Variants in PHTF2 observed in about 807,000 individuals in gnomAD.
PHTF2 encodes putative homeodomain transcription factor 2.
In PHTF2, 60 loss-of-function variants were observed where a neutral mutation model predicts 101.2. That is an observed-to-expected ratio of 0.59 (90% CI 0.48 to 0.73). The LOEUF (loss-of-function observed/expected upper bound fraction) is 0.73, where lower values mean the gene tolerates loss of function less well. Among genes scored for constraint, PHTF2 ranks in the 30% least tolerant of loss-of-function variants. The probability of loss-of-function intolerance (pLI) is 0.00; values close to 1 mark genes in which losing one functional copy is unlikely to be tolerated. For synonymous variants in PHTF2, 311 were observed against 307.3 expected, an observed-to-expected ratio of 1.01 and a Z score of -0.13; for missense variants, 747 against 908.7, an observed-to-expected ratio of 0.82 and a Z score of 2.29.
rs549013908 is a variant in PHTF2 at position 77,944,985 on chromosome 7, G to A, written c.1959+2199G>A. On this transcript the variant is annotated intron_variant, in intron 16 of 19. Transcript: ENST00000416283. ...CTAAAATACAGGACAGAGATAAAGA[G>A]ACAGAAAATGCAAAATGGATATTTA... Among the ~76,000 whole-genome samples, 107 of 152,324 alleles carry A rather than the reference G, an allele frequency of 7.0e-4. 2 individuals are homozygous for A. In the South Asian group the frequency reaches 0.021, roughly 30 times the overall value.
At chr7:77,833,806 A>G (rs1795241215) in intron 1 of PHTF2, among the ~76,000 whole-genome samples, 1 of 152,188 alleles carries the variant, frequency 6.6e-6, no homozygotes, top group Non-Finnish European at 1.5e-5. Flanking sequence ...AGTCTGGGTG[A>G]CAGTGAGACC....
chr7:77,846,479 G>A (rs941469382), intron 2 of PHTF2, among the ~76,000 whole-genome samples: 1 of 152,004 alleles, frequency 6.6e-6, no homozygotes, highest in African/African-American at 2.4e-5. Flanking sequence ...TGAAATAGAG[G>A]GTTGCCTTCC....
intron 3 of PHTF2, 53 bp from the exon 3 acceptor site, chr7:77,893,555 C>T (rs1800625594): frequency 2.7e-6 from 2 of 731,796 alleles, no homozygotes; most frequent in East Asian, 5.3e-5. Context: ...AGAGTTATAC[C>T]TATTTGATGG....
At chr7:77,923,850 C>T (rs796580114) in intron 11 of PHTF2, 40 of 983,434 alleles carry the variant, frequency 4.1e-5, no homozygotes, top group African/African-American at 1.9e-4. Context: ...TGTTGGTTTG[C>T]AACTGTATTT....
intron 2 of PHTF2, among the ~76,000 whole-genome samples, chr7:77,850,763 C>T (rs992574390): frequency 6.6e-6 from 1 of 152,010 alleles, no homozygotes; most frequent in Non-Finnish European, 1.5e-5. Flanking sequence ...AGTCTTTCAG[C>T]TTTTCCCTAA....
chr7:77,806,193 G>T (rs944108438), intron 1 of PHTF2, among the ~76,000 whole-genome samples: 1 of 151,422 alleles, frequency 6.6e-6, no homozygotes, highest in Non-Finnish European at 1.5e-5. Context: ...AGTCAAGTTG[G>T]TTGATAGAAT....
rs146344121 is a variant in PHTF2 at position 77,944,606 on chromosome 7, C to T, written c.1959+1820C>T. 5.6e-4 allele frequency among the ~76,000 whole-genome samples: 85 copies of T among 152,224 alleles called. 1 individual carries two copies. The highest frequency in any genetic ancestry group is 3.2e-3 in the Admixed American group (49 of 15,286). On this transcript the variant is annotated intron_variant, in intron 16 of 19. Transcript: ENST00000416283. Reference sequence around the variant, plus strand: ...GCATGCGACTTCAGCCTAGACCTCACGGGAACCACAGATAAAGCTCCTTCC... The same window carrying T: ...GCATGCGACTTCAGCCTAGACCTCATGGGAACCACAGATAAAGCTCCTTCC...
At position 77,919,116 on chromosome 7, in the gene PHTF2, G is replaced by A. The variant is rs189560020; in HGVS notation, c.777-1163G>A. On this transcript the variant is annotated intron_variant, in intron 9 of 19. Coordinates refer to ENST00000416283, the Ensembl canonical transcript of PHTF2. ...AGTCAGAAGGTCTGTACTCTAGTGC[G>A]AGCTTTGCTTCTAACTGACTGCATG... Among the ~76,000 whole-genome samples the A allele has an allele frequency of 3.9e-5, 6 of 152,214 alleles. No individual in the cohort carries two copies. The East Asian group carries it at 7.7e-4, about 20-fold the overall frequency.
At chr7:77,947,895 G>A (rs2150990293) in intron 16 of PHTF2, among the ~76,000 whole-genome samples, 1 of 138,294 alleles carries the variant, frequency 7.2e-6, no homozygotes, top group South Asian at 2.3e-4. Flanking sequence ...CTGGAGTGCA[G>A]TGGCACGATC....
At chr7:77,906,288 C>T (rs1178177886) in intron 7 of PHTF2, 1 of 152,180 alleles carries the variant, frequency 6.6e-6, no homozygotes, top group African/African-American at 2.4e-5. Context: ...GCCCGGCTCT[C>T]CATATATCTT....
chr7:77,855,745 C>T (rs1445396782), intron 3 of PHTF2, among the ~76,000 whole-genome samples: 1 of 152,136 alleles, frequency 6.6e-6, no homozygotes, highest in Admixed American at 6.5e-5. Context: ...TGTTGCTTTC[C>T]ACTGTGACAG....
chr7:77,818,971 T>G (rs1794064148), intron 1 of PHTF2, among the ~76,000 whole-genome samples: 1 of 152,206 alleles, frequency 6.6e-6, no homozygotes, highest in Non-Finnish European at 1.5e-5. Flanking sequence ...TGTTTAAATT[T>G]ATTCCTAGGT....
intron 1 of PHTF2, among the ~76,000 whole-genome samples, chr7:77,837,218 C>CT (rs931794612): frequency 1.3e-5 from 2 of 152,138 alleles, no homozygotes; most frequent in African/African-American, 4.8e-5. Context: ...GTTTTTTATG[C>CT]TTTTTTCTGT....
intron 1 of PHTF2, among the ~76,000 whole-genome samples, chr7:77,825,747 T>C (rs1040874465): frequency 6.6e-6 from 1 of 151,980 alleles, no homozygotes; most frequent in African/African-American, 2.4e-5. Context: ...GTGTTAGGGG[T>C]GGCCGAGCAG....
intron 17 of PHTF2, among the ~76,000 whole-genome samples, chr7:77,950,714 G>A (rs564211803): frequency 2.0e-5 from 3 of 152,262 alleles, no homozygotes; most frequent in East Asian, 1.9e-4. Context: ...CCTCCAACTC[G>A]CTCTGAGGCT....
At chr7:77,954,641 T>C (rs1393103528) in intron 19 of PHTF2, among the ~76,000 whole-genome samples, 1 of 142,098 alleles carries the variant, frequency 7.0e-6, no homozygotes, top group African/African-American at 2.5e-5. Flanking sequence ...TATATATATA[T>C]ATATAGCCAC....
intron 11 of PHTF2, chr7:77,924,082 C>T (rs1803731421): frequency 1.0e-6 from 1 of 962,282 alleles, no homozygotes; most frequent in Non-Finnish European, 1.2e-6. Context: ...TTAAAAGCTG[C>T]ATTCAGTTCT....
At chr7:77,914,981 G>A (rs1026748841) in intron 9 of PHTF2, among the ~76,000 whole-genome samples, 9 of 151,990 alleles carry the variant, frequency 5.9e-5, no homozygotes, top group Non-Finnish European at 1.0e-4. Context: ...GCACGATCTC[G>A]GCTCACTGCA....
chr7:77,907,403 G>A (rs940744977), intron 7 of PHTF2, among the ~76,000 whole-genome samples: 1 of 152,102 alleles, frequency 6.6e-6, no homozygotes, highest in African/African-American at 2.4e-5. Context: ...AGTTGCAGGT[G>A]GCAGAAACTA....
Sources: gnomAD v4.1 joint callset for allele counts (sites outside exome capture counted in the v4.1 genomes callset) on GRCh38, gnomAD v4.1.1 for gene constraint, MANE v1.5 for transcripts, NCBI Gene and HGNC (gene_info 2026-07-23, HGNC 2026-07-21) for gene names.